TBX15: variants seen among roughly 807,000 people sequenced by gnomAD.
TBX15 encodes T-box transcription factor TBX15.
TBX15 carries 18 observed loss-of-function variants against 53.9 expected under a neutral mutation model. The observed-to-expected ratio is 0.33, with a 90% CI of 0.23 to 0.49. TBX15 has a LOEUF of 0.49. Among genes scored for constraint, TBX15 ranks in the 20% least tolerant of loss-of-function variants. TBX15 has a pLI of 0.98. For synonymous variants in TBX15, 295 were observed against 278.0 expected, an observed-to-expected ratio of 1.06 and a Z score of -0.61; for missense variants, 692 against 749.5, an observed-to-expected ratio of 0.92 and a Z score of 0.90.
chr1:118,977,184 A>G (rs1348760906), intron 1 of TBX15, among the ~76,000 whole-genome samples: 1 of 152,220 alleles, frequency 6.6e-6, no homozygotes, highest in East Asian at 1.9e-4. Context: ...CTGAGCTCTT[A>G]ACCACTACAC....
chr1:118,903,502 G>A (rs1206191359), intron 6 of TBX15, among the ~76,000 whole-genome samples: 1 of 152,112 alleles, frequency 6.6e-6, no homozygotes, highest in African/African-American at 2.4e-5. Flanking sequence ...GAGATAGGGA[G>A]TTGCTTTTTA....
intron 1 of TBX15, among the ~76,000 whole-genome samples, chr1:118,972,290 A>C (rs1051398550): frequency 6.6e-6 from 1 of 152,244 alleles, no homozygotes; most frequent in African/African-American, 2.4e-5. Flanking sequence ...AAGCCATTAT[A>C]TGTTTGGATT....
chr1:118,945,131 A>G (rs1486337296), intron 1 of TBX15, among the ~76,000 whole-genome samples: 2 of 152,226 alleles, frequency 1.3e-5, no homozygotes, highest in East Asian at 3.8e-4. Context: ...TTCATGGACT[A>G]TTCTTACAAA....
At chr1:118,934,279 G>C (rs1655893864) in intron 1 of TBX15, among the ~76,000 whole-genome samples, 1 of 152,034 alleles carries the variant, frequency 6.6e-6, no homozygotes, top group Non-Finnish European at 1.5e-5. Context: ...TGCTAACCCA[G>C]GTAACCTCAA....
At position 118,911,996 on chromosome 1, in the gene TBX15, G is replaced by T. The variant is rs892585607; in HGVS notation, c.926+2119C>A. 5.3e-5 allele frequency among the ~76,000 whole-genome samples: 8 copies of T among 152,134 alleles called. No individual in the cohort carries two copies. The South Asian group carries it at 6.2e-4, about 12-fold the overall frequency. ...ACATATTTCTTGATGCCTTTGCAGT[G>T]CAGACAATAAATGGTTAAAGTATGT... On this transcript the variant is annotated intron_variant, in intron 6 of 7. Transcript: ENST00000369429.
intron 1 of TBX15, among the ~76,000 whole-genome samples, chr1:118,957,932 A>G (rs1656748328): frequency 6.6e-6 from 1 of 152,250 alleles, no homozygotes. Context: ...CAATAAACAT[A>G]AATCATGCTG....
At chr1:118,953,342 A>T (rs920021093) in intron 1 of TBX15, among the ~76,000 whole-genome samples, 15 of 152,226 alleles carry the variant, frequency 9.9e-5, no homozygotes, top group Non-Finnish European at 1.6e-4. Context: ...TGTACAAATA[A>T]GAAGAGATTA....
chr1:118,939,437 C>CAAA (rs869077887), intron 1 of TBX15, among the ~76,000 whole-genome samples: 1 of 84,678 alleles, frequency 1.2e-5, no homozygotes, highest in Non-Finnish European at 2.2e-5. Flanking sequence ...AAAAAAAAAA[C>CAAA]AAAAACAGGA....
At chr1:118,897,436 C>T (rs1431058720) in intron 7 of TBX15, among the ~76,000 whole-genome samples, 2 of 152,168 alleles carry the variant, frequency 1.3e-5, no homozygotes, top group African/African-American at 4.8e-5. Flanking sequence ...CCAACCTTCT[C>T]CGACCAGCCT....
At chr1:118,886,338 G>C in intron 7 of TBX15, among the ~76,000 whole-genome samples, 1 of 152,136 alleles carries the variant, frequency 6.6e-6, no homozygotes, top group Non-Finnish European at 1.5e-5. Context: ...AAAGTGACCT[G>C]AGAGTCAGGA....
chr1:118,960,532 T>G (rs1437099967), intron 1 of TBX15, among the ~76,000 whole-genome samples: 1 of 152,106 alleles, frequency 6.6e-6, no homozygotes, highest in Non-Finnish European at 1.5e-5. Context: ...AGGAGGCCAG[T>G]CCTAAAAAGT....
intron 1 of TBX15, among the ~76,000 whole-genome samples, chr1:118,958,686 C>A (rs1656772272): frequency 6.6e-6 from 1 of 152,122 alleles, no homozygotes; most frequent in African/African-American, 2.4e-5. Flanking sequence ...CCTCCCACCT[C>A]CCAGAGAAGT....
At chr1:118,951,722 A>T (rs940470226) in intron 1 of TBX15, among the ~76,000 whole-genome samples, 7 of 152,280 alleles carry the variant, frequency 4.6e-5, no homozygotes, top group African/African-American at 1.7e-4. Context: ...TCCTGCTCCT[A>T]TATCTGCCAA....
chr1:118,952,485 A>C (rs898754144), intron 1 of TBX15, among the ~76,000 whole-genome samples: 19 of 152,150 alleles, frequency 1.2e-4, no homozygotes, highest in Non-Finnish European at 1.5e-5. Flanking sequence ...CTAAATTCTC[A>C]ATTATTTTAA....
intron 5 of TBX15, among the ~76,000 whole-genome samples, chr1:118,915,756 TTGGTTTATCCTG>T (rs1655199185): frequency 6.6e-6 from 1 of 152,292 alleles, no homozygotes; most frequent in East Asian, 1.9e-4. Context: ...CTCTTTCAAG[TTGGTTTATCCTG>T]TCCAACTCAT....
intron 1 of TBX15, among the ~76,000 whole-genome samples, chr1:118,955,305 T>A (rs1435505063): frequency 6.6e-6 from 1 of 152,130 alleles, no homozygotes; most frequent in Non-Finnish European, 1.5e-5. Context: ...GTGATTTTGC[T>A]CATACAAGGG....
chr1:118,978,391 A>G (rs1657509702), intron 1 of TBX15, among the ~76,000 whole-genome samples: 2 of 152,230 alleles, frequency 1.3e-5, no homozygotes, highest in Admixed American at 6.5e-5. Flanking sequence ...AAGCAAAACC[A>G]AAGTTAGGAT....
intron 7 of TBX15, among the ~76,000 whole-genome samples, chr1:118,890,575 A>C (rs1654104348): frequency 6.6e-6 from 1 of 152,206 alleles, no homozygotes; most frequent in Non-Finnish European, 1.5e-5. Flanking sequence ...AATGGCCAAA[A>C]TAACCAAAAA....
At chr1:118,937,258 A>G (rs1656001122) in intron 1 of TBX15, among the ~76,000 whole-genome samples, 1 of 152,188 alleles carries the variant, frequency 6.6e-6, no homozygotes, top group Admixed American at 6.5e-5. Flanking sequence ...GTAAAGGTAG[A>G]GGAGAAGTAA....
Sources: gnomAD v4.1 joint callset for allele counts (sites outside exome capture counted in the v4.1 genomes callset) on GRCh38, gnomAD v4.1.1 for gene constraint, MANE v1.5 for transcripts, NCBI Gene and HGNC (gene_info 2026-07-23, HGNC 2026-07-21) for gene names.